Variants in MARCHF1 observed in about 807,000 individuals in gnomAD.
The protein encoded by MARCHF1 is membrane associated ring-CH-type finger 1.
A neutral mutation model predicts 54.2 loss-of-function variants in MARCHF1; 40 were observed. That is an observed-to-expected ratio of 0.74 (90% CI 0.57 to 0.96). MARCHF1 has a LOEUF of 0.96. Ranked by LOEUF, MARCHF1 falls within the 40% of genes least tolerant of loss-of-function variation. The pLI is 0.00. For missense variants in MARCHF1, 586 were observed against 656.5 expected, an observed-to-expected ratio of 0.89 and a Z score of 1.17; for synonymous variants, 236 against 236.3, an observed-to-expected ratio of 1.00 and a Z score of 0.01.
intron 1 of MARCHF1, among the ~76,000 whole-genome samples, chr4:164,290,243 A>G (rs990059931): frequency 6.6e-6 from 1 of 152,026 alleles, no homozygotes; most frequent in Non-Finnish European, 1.5e-5. Flanking sequence ...GTAACTCAGT[A>G]CAAGTTTGAT....
intron 4 of MARCHF1, among the ~76,000 whole-genome samples, chr4:163,718,050 C>G (rs28438744): frequency 0.025 from 3,863 of 152,088 alleles, 169 homozygotes; most frequent in African/African-American, 0.087. Flanking sequence ...AAGAAATGGG[C>G]AAAGGATTCC....
intron 1 of MARCHF1, among the ~76,000 whole-genome samples, chr4:164,118,059 A>G (rs1755977210): frequency 6.6e-6 from 1 of 152,042 alleles, no homozygotes; most frequent in South Asian, 2.1e-4. Flanking sequence ...AAGTTTAAGC[A>G]AAGAGATAAA....
At chr4:163,905,441 G>C (rs1314865104) in intron 3 of MARCHF1, among the ~76,000 whole-genome samples, 1 of 152,014 alleles carries the variant, frequency 6.6e-6, no homozygotes, top group African/African-American at 2.4e-5. Flanking sequence ...ATAGAACACA[G>C]CTATTCCAAT....
At chr4:164,188,519 G>T in intron 1 of MARCHF1, 2 of 702,868 alleles carry the variant, frequency 2.8e-6, no homozygotes, top group Non-Finnish European at 5.3e-6. Context: ...GTTCAAGACC[G>T]GCTGCGTGGA....
chr4:163,995,160 T>A (rs185734967), intron 2 of MARCHF1, among the ~76,000 whole-genome samples: 1 of 151,982 alleles, frequency 6.6e-6, no homozygotes, highest in Non-Finnish European at 1.5e-5. Context: ...TGACTTCAAA[T>A]TGGGGTTCCC....
intron 8 of MARCHF1, among the ~76,000 whole-genome samples, chr4:163,572,441 G>A (rs1265763094): frequency 2.0e-5 from 3 of 151,632 alleles, no homozygotes; most frequent in African/African-American, 7.3e-5. Flanking sequence ...TGAAGAAACT[G>A]AGACAAGACT....
chr4:163,988,653 C>G lies in MARCHF1; in HGVS notation c.-191G>C, dbSNP rs1327304547. On this transcript the variant is annotated 5_prime_UTR_variant, in exon 3 of 10. Coordinates refer to ENST00000514618, the MANE Select transcript of MARCHF1 (RefSeq NM_001394959.1). ...TGATTGGATGCCTTATCTCTTCACT[C>G]GCCCTGAGTAGCCCACCTGCACAAT... 6.6e-6 allele frequency: 1 copy of G among 152,160 alleles called. No individual in the cohort carries two copies. The highest frequency in any genetic ancestry group is 1.5e-5 in the Non-Finnish European group (1 of 68,060). The allele number at this position is 152,160 out of a possible 1,614,324, so 9.4% of individuals were successfully genotyped here.
chr4:164,022,472 C>T (rs768929591), intron 2 of MARCHF1, among the ~76,000 whole-genome samples: 18 of 152,146 alleles, frequency 1.2e-4, no homozygotes, highest in Non-Finnish European at 2.4e-4. Flanking sequence ...TACACAAATG[C>T]TAGGGCTACC....
chr4:163,555,173 G>A (rs1301878243), intron 8 of MARCHF1, among the ~76,000 whole-genome samples: 1 of 152,214 alleles, frequency 6.6e-6, no homozygotes, highest in Non-Finnish European at 1.5e-5. Flanking sequence ...CACATTTGCA[G>A]TGGAACTGTT....
intron 5 of MARCHF1, among the ~76,000 whole-genome samples, chr4:163,673,684 GC>G (rs1235852740): frequency 6.6e-6 from 1 of 152,064 alleles, no homozygotes; most frequent in Non-Finnish European, 1.5e-5. Context: ...ATCATAGGAG[GC>G]AAGAGTTTTC....
chr4:164,021,628 T>G (rs1356770746), intron 2 of MARCHF1, among the ~76,000 whole-genome samples: 1 of 152,120 alleles, frequency 6.6e-6, no homozygotes, highest in Non-Finnish European at 1.5e-5. Context: ...CATTTTACAT[T>G]TATATTTGAA....
chr4:163,921,195 TAAAC>T (rs908129383), intron 3 of MARCHF1, among the ~76,000 whole-genome samples: 7 of 152,306 alleles, frequency 4.6e-5, no homozygotes, highest in African/African-American at 1.4e-4. Flanking sequence ...TGTTCTTTCT[TAAAC>T]ACACACAGTG....
chr4:163,959,434 C>T (rs1207720690), intron 3 of MARCHF1, among the ~76,000 whole-genome samples: 2 of 151,612 alleles, frequency 1.3e-5, no homozygotes, highest in East Asian at 1.9e-4. Context: ...GCTACAGTAA[C>T]CAAGACAGCA....
intron 8 of MARCHF1, among the ~76,000 whole-genome samples, chr4:163,546,780 G>T (rs1336107746): frequency 6.6e-6 from 1 of 152,188 alleles, no homozygotes; most frequent in African/African-American, 2.4e-5. Flanking sequence ...GTCTGGGAGA[G>T]GAAGAAGGCC....
intron 1 of MARCHF1, among the ~76,000 whole-genome samples, chr4:164,226,686 A>G (rs1046946069): frequency 6.6e-6 from 1 of 152,038 alleles, no homozygotes; most frequent in Non-Finnish European, 1.5e-5. Flanking sequence ...TAAAATATAT[A>G]TAAAACTTTG....
chr4:163,648,768 A>C (rs940022565), intron 5 of MARCHF1, among the ~76,000 whole-genome samples: 3 of 151,930 alleles, frequency 2.0e-5, no homozygotes, highest in African/African-American at 7.2e-5. Flanking sequence ...TAGCAGTTCA[A>C]AGAAGAATGG....
chr4:163,627,233 C>A (rs746576452), intron 5 of MARCHF1, among the ~76,000 whole-genome samples: 3 of 152,132 alleles, frequency 2.0e-5, no homozygotes, highest in Non-Finnish European at 4.4e-5. Flanking sequence ...ACATCTCTTG[C>A]ATTTTTAGAG....
intron 5 of MARCHF1, among the ~76,000 whole-genome samples, chr4:163,689,336 T>C (rs892297647): frequency 2.0e-5 from 3 of 152,174 alleles, no homozygotes; most frequent in Admixed American, 6.5e-5. Context: ...GTACTGAAAA[T>C]ATTTAGGCAC....
chr4:163,820,518 A>G (rs958519711), intron 4 of MARCHF1, among the ~76,000 whole-genome samples: 4 of 152,036 alleles, frequency 2.6e-5, no homozygotes, highest in Non-Finnish European at 5.9e-5. Flanking sequence ...AACCCAGACA[A>G]TTCTTCAAGT....
Sources: gnomAD v4.1 joint callset for allele counts (sites outside exome capture counted in the v4.1 genomes callset) on GRCh38, gnomAD v4.1.1 for gene constraint, MANE v1.5 for transcripts, NCBI Gene and HGNC (gene_info 2026-07-23, HGNC 2026-07-21) for gene names.